The following APBA3 variants were observed in gnomAD, a reference collection of about 807,000 sequenced individuals.
APBA3 encodes the protein amyloid-beta A4 precursor protein-binding family A member 3.
In APBA3, 45 loss-of-function variants were observed where a neutral mutation model predicts 55.9. The observed-to-expected ratio is 0.80, with a 90% CI of 0.63 to 1.03. APBA3 has a LOEUF of 1.03. Among genes scored for constraint, APBA3 ranks in the 50% least tolerant of loss-of-function variants. APBA3 has a pLI of 0.00. For missense variants in APBA3, 865 were observed against 820.3 expected, an observed-to-expected ratio of 1.05 and a Z score of -0.67; for synonymous variants, 370 against 353.3, an observed-to-expected ratio of 1.05 and a Z score of -0.53.
Position 3,760,174 on chromosome 19 carries a change from G to T in APBA3, c.91C>A (p.Leu31Ile), listed in dbSNP as rs1476552943. Reference protein sequence around the residue: ...PRDILVPSEDLTPDSQWDPMP... With the variant: ...PRDILVPSEDITPDSQWDPMP... ...GGGTCCCACTGGCTGTCAGGGGTGAGGTCCTCCGAAGGCACAAGAATGTCC... is the reference window on the plus strand; with the variant it reads ...GGGTCCCACTGGCTGTCAGGGGTGATGTCCTCCGAAGGCACAAGAATGTCC... Residue 31 changes from leucine (L) to isoleucine (I), a missense_variant, in exon 2 of 11, where the codon CTC becomes ATC. Physicochemically the swap from Leu to Ile is conservative, Grantham distance 5. Coordinates refer to ENST00000316757, the MANE Select transcript of APBA3 (RefSeq NM_004886.4). 1 of 1,613,208 alleles carries T rather than the reference G, an allele frequency of 6.2e-7. No homozygotes were observed. Among genetic ancestry groups the T allele is most frequent in the African/African-American group, 1.3e-5 (1 of 75,066 alleles).
Position 3,751,435 on chromosome 19 carries a change from A to G in APBA3, c.1514T>C (p.Ile505Thr). The G allele has an allele frequency of 1.3e-6, 2 of 1,532,126 alleles. No individual in the cohort carries two copies. The highest frequency in any genetic ancestry group is 1.7e-6 in the Non-Finnish European group (2 of 1,143,806). The allele number at this position is 1,532,126 out of a possible 1,614,324, so 94.9% of individuals were successfully genotyped here. The change falls in exon 9 of 11, where the codon ATC becomes ACC. Residue 505 changes from isoleucine (I) to threonine (T), a missense_variant and splice_region_variant. Coordinates refer to ENST00000316757, the MANE Select transcript of APBA3 (RefSeq NM_004886.4). The stretch of plus-strand genomic sequence containing the variant: ...CGGGGCCAGGGGCCGGGGCCTCACG[A>G]TGCCGTCCTCCACGCAGAAGCCCAG... ...EQLGFCVEDG[I>T]ICSLLRGGIA...
chr19:3,751,781 C>T (rs900920296), intron 8 of APBA3: 15 of 551,884 alleles, frequency 2.7e-5, no homozygotes, highest in African/African-American at 5.9e-5. Flanking sequence ...AAAGCCAAGC[C>T]GACAGCCGGG....
In APBA3 at chr19:3,752,658, GC is replaced by G; in HGVS notation, c.1244del (p.Gly415AlafsTer30). ...LGVALVESGWGSLLPTAVIAN... is the reference protein window; with the variant it reads ...LGVALVESGWXSLLPTAVIAN... Reference sequence around the variant, plus strand: ...CGATGACGGCTGTGGGCAGCAGGGAGCCCCAGCCCGACTCCACCAGGGCCAC... The same window carrying G: ...CGATGACGGCTGTGGGCAGCAGGGAGCCCAGCCCGACTCCACCAGGGCCAC... On this transcript the variant is annotated frameshift_variant, in exon 8 of 11. Coordinates refer to ENST00000316757, the MANE Select transcript of APBA3 (RefSeq NM_004886.4). LOFTEE classifies it high-confidence loss of function. 1 of 1,590,014 alleles carries G rather than the reference GC, an allele frequency of 6.3e-7. No homozygotes were observed.
At chr19:3,760,768 C>T (rs188715926) in intron 1 of APBA3, among the ~76,000 whole-genome samples, 152 of 139,232 alleles carry the variant, frequency 1.1e-3, no homozygotes, top group African/African-American at 3.6e-3. Context: ...AAAAAACTAG[C>T]TAGGGGTGGT....
chr19:3,758,108 T>C (rs1369239332), intron 3 of APBA3, among the ~76,000 whole-genome samples: 1 of 150,966 alleles, frequency 6.6e-6, no homozygotes, highest in East Asian at 2.0e-4. Context: ...CTAATTTTTG[T>C]ATGTTTAGTA....
chr19:3,758,632 C>T (rs948165767), intron 3 of APBA3, among the ~76,000 whole-genome samples: 2 of 151,846 alleles, frequency 1.3e-5, no homozygotes, highest in African/African-American at 4.8e-5. Flanking sequence ...GTAATCCTAG[C>T]ACTTTAGGAG....
chr19:3,759,701 G>C lies in APBA3; in HGVS notation c.564C>G (p.Pro188=), dbSNP rs145676775. The C allele has an allele frequency of 3.1e-6, 5 of 1,612,142 alleles. No individual in the cohort carries two copies. The East Asian group carries it at 1.1e-4, about 36-fold the overall frequency. Residue 188 remains proline (P), a synonymous_variant, in exon 2 of 11, where the codon CCC becomes CCG. Coordinates refer to ENST00000316757, the MANE Select transcript of APBA3 (RefSeq NM_004886.4). ...GGGCGGGCACTACCTGGGCACCAGC[G>C]GGTGGCTCTTCAGGTGTGACTAGAG... The part of the protein sequence containing the change: ...TVPLVTPEEP[P]AGAQSPETLA...
At position 3,760,320 on chromosome 19, in the gene APBA3, G is replaced by C; in HGVS notation, c.-37-19C>G. ...CAGGCAGCTGAAAGAGAGAGAGTCA[G>C]CACTGAGGTTTCGCCCGGGTGCAGT... On this transcript the variant is annotated intron_variant, in intron 1 of 10. Coordinates refer to ENST00000316757, the MANE Select transcript of APBA3 (RefSeq NM_004886.4). 6.7e-7 allele frequency: 1 copy of C among 1,489,004 alleles called. No homozygotes were observed. The highest frequency in any genetic ancestry group is 8.9e-7 in the Non-Finnish European group (1 of 1,117,962). The allele number at this position is 1,489,004 out of a possible 1,614,324, so 92.2% of individuals were successfully genotyped here.
chr19:3,759,436 G>A (rs1027624526), intron 3 of APBA3, 125 bp downstream of exon 3: 69 of 999,520 alleles, frequency 6.9e-5, no homozygotes, highest in Non-Finnish European at 8.9e-5. Context: ...GAATCTGCTC[G>A]AAACCACCCT....
In APBA3 at chr19:3,754,114, G is replaced by A. The variant is rs765275684; in HGVS notation, c.763-9C>T. The stretch of plus-strand genomic sequence containing the variant: ...GTCTCCCCATCGGGGGCCTGTGGGT[G>A]GCGGCGTGGGAGGTGGAGGCCCCCA... On this transcript the variant is annotated splice_polypyrimidine_tract_variant and intron_variant, in intron 4 of 10. Transcript: ENST00000316757. 3 of 1,592,168 alleles carry A rather than the reference G, an allele frequency of 1.9e-6. No individual in the cohort carries two copies. The highest frequency in any genetic ancestry group is 2.6e-6 in the Non-Finnish European group (3 of 1,169,964).
Position 3,759,989 on chromosome 19 carries a change from G to A in APBA3, c.276C>T (p.Ala92=). ...CGTGGGCATCAGCAATCTCCTGGGAGGCCAGGCCATGGCCTGTGGCAATGT... is the reference window on the plus strand; with the variant it reads ...CGTGGGCATCAGCAATCTCCTGGGAAGCCAGGCCATGGCCTGTGGCAATGT... ...PLHIATGHGL[A]SQEIADAHGL... Residue 92 remains alanine (A), a synonymous_variant, in exon 2 of 11, where the codon GCC becomes GCT. Transcript: ENST00000316757. 2 of 1,610,736 alleles carry A rather than the reference G, an allele frequency of 1.2e-6. No individual in the cohort carries two copies. The highest frequency in any genetic ancestry group is 4.5e-5 in the East Asian group (2 of 44,870).
At chr19:3,755,839 A>G (rs960624301) in intron 3 of APBA3, 4 of 147,954 alleles carry the variant, frequency 2.7e-5, no homozygotes, top group Non-Finnish European at 5.9e-5. Flanking sequence ...CTTTACTCTC[A>G]TGGTTCTAGA....
At position 3,752,614 on chromosome 19, in the gene APBA3, C is replaced by G. The variant is rs755298311; in HGVS notation, c.1289G>C (p.Gly430Ala). Residue 430 changes from glycine to alanine, a missense_variant, in exon 8 of 11, where the codon GGG (glycine) becomes GCG (alanine). Coordinates refer to ENST00000316757, the MANE Select transcript of APBA3 (RefSeq NM_004886.4). The part of the protein sequence containing the change: ...TAVIANLLHG[G>A]PAERSGALSI... ...GAGGGCCCCCGAGCGCTCAGCAGGC[C>G]CCCCGTGCAGCAGGTTGGCGATGAC... is the stretch of plus-strand genomic sequence containing the variant. 7 of 1,586,650 alleles carry G rather than the reference C, an allele frequency of 4.4e-6. No individual in the cohort carries two copies. Among genetic ancestry groups the G allele is most frequent in the African/African-American group, 4.0e-5 (3 of 74,664 alleles).
At chr19:3,753,094 G>GACA in intron 6 of APBA3, 104 bp from the exon 7 acceptor site, 1 of 1,332,934 alleles carries the variant, frequency 7.5e-7, no homozygotes, top group Non-Finnish European at 1.0e-6. Flanking sequence ...CCCACCTGGG[G>GACA]TGAGAGTCCC....
At position 3,751,019 on chromosome 19, in the gene APBA3, G is replaced by A. The variant is rs58375055; in HGVS notation, c.*7C>T. 9.3e-4 allele frequency: 1,441 copies of A among 1,557,290 alleles called. 14 individuals are homozygous for A. The East Asian group carries it at 0.031, about 34-fold the overall frequency. ...GAAGGCACAGTGGCAGGCAAGGGAT[G>A]AGGTGGTCACAGGTACACGGGCTGC... On this transcript the variant is annotated 3_prime_UTR_variant, in exon 11 of 11. Transcript: ENST00000316757.
intron 8 of APBA3, 50 bp from the exon 9 acceptor site, chr19:3,751,603 G>C (rs565806902): frequency 6.5e-7 from 1 of 1,540,008 alleles, no homozygotes; most frequent in South Asian, 1.2e-5. Context: ...CAGCCTGGCA[G>C]GTTGTAGCCC....
intron 3 of APBA3, among the ~76,000 whole-genome samples, chr19:3,758,158 A>C (rs1442236022): frequency 6.6e-6 from 1 of 151,974 alleles, no homozygotes; most frequent in East Asian, 1.9e-4. Flanking sequence ...CTGGTCTCGA[A>C]CTCCTGACCT....
At position 3,759,751 on chromosome 19, in the gene APBA3, G is replaced by A. The variant is rs2037121235; in HGVS notation, c.514C>T (p.Pro172Ser). The change falls in exon 2 of 11, where the codon CCG becomes TCG. Residue 172 changes from proline to serine, a missense_variant. By Grantham distance (74) the Pro-to-Ser change is moderately conservative. Transcript: ENST00000316757. ...GGCACCGTCTCCAGCCAGGGTTCCG[G>A]GGAACTGCTTGAGCTCCTGCTGCCC... The part of the protein sequence containing the change: ...QEGSRSSSSS[P>S]EPWLETVPLV... 4 of 1,612,540 alleles carry A rather than the reference G, an allele frequency of 2.5e-6. No individual in the cohort carries two copies. Among genetic ancestry groups the A allele is most frequent in the East Asian group, 2.2e-5 (1 of 44,880 alleles).
At chr19:3,754,392 TCTGCCCCAGGG>T in intron 3 of APBA3, 52 bp from the exon 4 acceptor site, 5 of 1,523,926 alleles carry the variant, frequency 3.3e-6, no homozygotes, top group Non-Finnish European at 3.5e-6. Context: ...TCCCACAGGC[TCTGCCCCAGGG>T]CTACGCTCTC....
Sources: gnomAD v4.1 joint callset for allele counts (sites outside exome capture counted in the v4.1 genomes callset) on GRCh38, gnomAD v4.1.1 for gene constraint, MANE v1.5 for transcripts, NCBI Gene and HGNC (gene_info 2026-07-23, HGNC 2026-07-21) for gene names.